RBPMS2: variants seen among roughly 807,000 people sequenced by gnomAD.
RBPMS2 encodes RNA-binding protein with multiple splicing 2.
Under a neutral mutation model 25.7 loss-of-function variants are expected in RBPMS2, and 14 were observed. That is an observed-to-expected ratio of 0.55 (90% confidence interval 0.36 to 0.85). RBPMS2 has a LOEUF of 0.85. RBPMS2 is among the 40% of genes least tolerant of loss of function. The probability of loss-of-function intolerance (pLI) is 0.01; values close to 1 mark genes in which losing one functional copy is unlikely to be tolerated. For missense variants in RBPMS2, 252 were observed against 283.4 expected (o/e 0.89, Z 0.80); for synonymous variants, 127 against 115.6 (o/e 1.10, Z -0.63).
intron 1 of RBPMS2, among the ~76,000 whole-genome samples, chr15:64,773,494 T>C (rs1165759541): frequency 1.3e-5 from 2 of 152,186 alleles, no homozygotes; most frequent in African/African-American, 4.8e-5. Context: ...GGAGGAATAG[T>C]AGGGATTCCA....
chr15:64,770,857 C>A (rs768410236), intron 1 of RBPMS2, among the ~76,000 whole-genome samples: 18 of 152,048 alleles, frequency 1.2e-4, no homozygotes, highest in Non-Finnish European at 1.8e-4. Context: ...TGACCTCAAG[C>A]CACCCAGTGG....
chr15:64,752,611 C>T (rs2083693364), intron 1 of RBPMS2, among the ~76,000 whole-genome samples: 1 of 151,786 alleles, frequency 6.6e-6, no homozygotes, highest in Non-Finnish European at 1.5e-5. Flanking sequence ...GCATTTGATG[C>T]TGTGAGTTTT....
intron 1 of RBPMS2, chr15:64,761,010 C>G (rs1278412995): frequency 6.7e-6 from 1 of 148,438 alleles, no homozygotes; most frequent in Non-Finnish European, 1.5e-5. Flanking sequence ...GAAAATCTCA[C>G]TGCAGGCAAT....
chr15:64,750,562 C>T (rs965202429), intron 2 of RBPMS2, among the ~76,000 whole-genome samples, 181 bp from the exon 3 acceptor site: 5 of 152,236 alleles, frequency 3.3e-5, no homozygotes, highest in African/African-American at 7.2e-5. Context: ...TTCTGAATCA[C>T]GCGGTCTAGC....
rs148067403 is a variant in RBPMS2 at position 64,748,555 on chromosome 15, C to T, written c.431G>A (p.Gly144Glu). ...FIARDPYDLM[G>E]AALIPASPEA... ...TGGGGATGCAGGGATCAGAGCAGCC[C>T]CCATCAGGTCATCTACAACAGGAGA... The change falls in exon 6 of 8, where the codon GGG becomes GAG. Residue 144 changes from glycine (G) to glutamate (E), a missense_variant. Physicochemically the swap from Gly to Glu is moderately conservative, Grantham distance 98. Transcript: ENST00000300069. 3.2e-6 allele frequency: 5 copies of T among 1,559,428 alleles called. No homozygotes were observed. The African/African-American group carries it at 5.5e-5, about 17-fold the overall frequency.
chr15:64,766,661 G>C (rs897805881), intron 1 of RBPMS2, among the ~76,000 whole-genome samples: 1 of 151,938 alleles, frequency 6.6e-6, no homozygotes, highest in Non-Finnish European at 1.5e-5. Context: ...TAGTAGCTGG[G>C]ACTACAGGCG....
chr15:64,742,122 G>A (rs1044821907), intron 6 of RBPMS2, among the ~76,000 whole-genome samples: 3 of 152,126 alleles, frequency 2.0e-5, no homozygotes, highest in Admixed American at 6.5e-5. Context: ...TTGAGATCGC[G>A]CCATTGCACT....
At chr15:64,763,925 T>A (rs4499187) in intron 1 of RBPMS2, among the ~76,000 whole-genome samples, 7,485 of 152,212 alleles carry the variant, frequency 0.049, 602 homozygotes, top group African/African-American at 0.17. Context: ...CCAAGCCACT[T>A]CCAGCCCCAG....
At chr15:64,763,048 G>C (rs982349345) in intron 1 of RBPMS2, among the ~76,000 whole-genome samples, 1 of 148,678 alleles carries the variant, frequency 6.7e-6, no homozygotes, top group Non-Finnish European at 1.5e-5. Context: ...CTTGGTCGCC[G>C]TAGTGGGTAG....
intron 1 of RBPMS2, among the ~76,000 whole-genome samples, chr15:64,769,213 A>G (rs1195623841): frequency 1.3e-5 from 2 of 151,204 alleles, no homozygotes; most frequent in Non-Finnish European, 2.9e-5. Context: ...CTGCAATCCC[A>G]GCACTTTGGG....
At chr15:64,742,763 T>C (rs1364572540) in intron 6 of RBPMS2, among the ~76,000 whole-genome samples, 1 of 152,132 alleles carries the variant, frequency 6.6e-6, no homozygotes, top group Non-Finnish European at 1.5e-5. Flanking sequence ...GAGTAGAAGC[T>C]GGGCCTGCAG....
chr15:64,758,490 G>T (rs147119226), intron 1 of RBPMS2, among the ~76,000 whole-genome samples: 153 of 152,346 alleles, frequency 1.0e-3, no homozygotes, highest in African/African-American at 3.7e-3. Flanking sequence ...GGAACCTGCT[G>T]CAAGCACCAA....
At chr15:64,754,715 A>C (rs55896132) in intron 1 of RBPMS2, among the ~76,000 whole-genome samples, 7,251 of 151,542 alleles carry the variant, frequency 0.048, 222 homozygotes, top group South Asian at 0.088. Context: ...AAAAAAAAAA[A>C]CCCAAAACCC....
In RBPMS2 at chr15:64,761,548, G is replaced by A. The variant is rs376202294; in HGVS notation, c.88-9910C>T. 4.7e-3 allele frequency among the ~76,000 whole-genome samples: 715 copies of A among 152,192 alleles called. 7 individuals are homozygous for A. The highest frequency in any genetic ancestry group is 0.013 in the South Asian group (64 of 4,822). On this transcript the variant is annotated intron_variant, in intron 1 of 7. Transcript: ENST00000300069. ...AGGTACCCAGGAACAACTGGCCTTC[G>A]GCTTTTTTGAGACAGGGTCTTGCTC...
intron 6 of RBPMS2, among the ~76,000 whole-genome samples, chr15:64,741,855 G>A (rs2083565182): frequency 6.6e-6 from 1 of 152,058 alleles, no homozygotes; most frequent in African/African-American, 2.4e-5. Context: ...GCAACATAGG[G>A]AGATAATGTC....
chr15:64,775,223 A>G lies in RBPMS2; in HGVS notation c.87+10T>C. 1 of 1,213,992 alleles carries G rather than the reference A, an allele frequency of 8.2e-7. No individual in the cohort carries two copies. The highest frequency in any genetic ancestry group is 1.0e-6 in the Non-Finnish European group (1 of 971,804). The allele number at this position is 1,213,992 out of a possible 1,614,324, so 75.2% of individuals were successfully genotyped here. ...GCTTCACCCGGCAAGTCCCGGGGCC[A>G]CAGACCCACCTCCTCCTCCAGGGCG... On this transcript the variant is annotated intron_variant, in intron 1 of 7. Coordinates refer to ENST00000300069, the MANE Select transcript of RBPMS2 (RefSeq NM_194272.3).
Position 64,749,556 on chromosome 15 carries a change from TAAC to T in RBPMS2, c.205-66_205-64del, listed in dbSNP as rs2083655444. ...TAGCATTCCACCTCTCCCTCCAAAA[TAAC>T]AACAAAAAAAGAGTATCATCTATGT... On this transcript the variant is annotated intron_variant, in intron 3 of 7. Transcript: ENST00000300069. The T allele has an allele frequency of 5.1e-6, 7 of 1,375,092 alleles. No individual in the cohort carries two copies. The Admixed American group carries it at 8.1e-5, about 16-fold the overall frequency. 85.2% of individuals were successfully genotyped at this position (1,375,092 alleles called of 1,614,324 possible). A position where few individuals can be genotyped will look rare whatever the true frequency, so the allele number is the denominator to read the frequency against.
intron 1 of RBPMS2, among the ~76,000 whole-genome samples, chr15:64,766,626 C>T (rs1408771664): frequency 5.9e-5 from 9 of 151,766 alleles, no homozygotes; most frequent in Admixed American, 2.6e-4. Context: ...CCCGGGTTCA[C>T]GCCATTCTTC....
intron 1 of RBPMS2, among the ~76,000 whole-genome samples, chr15:64,752,322 T>A (rs537952955): frequency 2.0e-5 from 3 of 152,186 alleles, no homozygotes; most frequent in Admixed American, 6.5e-5. Flanking sequence ...TCCAGTCTGG[T>A]CGAGGGGAGG....
Sources: allele counts gnomAD v4.1 joint callset (sites outside exome capture counted in the v4.1 genomes callset), GRCh38; gene constraint gnomAD v4.1.1; transcripts MANE v1.5; gene names NCBI Gene and HGNC (gene_info 2026-07-23, HGNC 2026-07-21).